DNM3: variants seen among roughly 807,000 people sequenced by gnomAD.
The protein encoded by DNM3 is dynamin-3.
DNM3 carries 47 observed loss-of-function variants against 101.6 expected under a neutral mutation model. That is an observed-to-expected ratio of 0.46 (90% CI 0.37 to 0.59). The LOEUF (loss-of-function observed/expected upper bound fraction) is 0.59, where lower values mean the gene tolerates loss of function less well. Ranked by LOEUF, DNM3 falls within the 20% of genes least tolerant of loss-of-function variation. DNM3 has a pLI of 0.00. For synonymous variants in DNM3, 385 were observed against 387.9 expected, an observed-to-expected ratio of 0.99 and a Z score of 0.09; for missense variants, 849 against 1,085.7, an observed-to-expected ratio of 0.78 and a Z score of 3.06.
intron 13 of DNM3, among the ~76,000 whole-genome samples, chr1:172,114,484 A>C (rs545451966): frequency 1.3e-5 from 2 of 152,190 alleles, no homozygotes; most frequent in East Asian, 3.8e-4. Flanking sequence ...CTAAGACTCT[A>C]TATACTTATG....
intron 12 of DNM3, among the ~76,000 whole-genome samples, chr1:172,084,250 A>T (rs1479143499): frequency 2.0e-5 from 3 of 151,858 alleles, no homozygotes; most frequent in African/African-American, 7.3e-5. Context: ...GAAATCCTTT[A>T]AAAAAAACTA....
intron 14 of DNM3, among the ~76,000 whole-genome samples, chr1:172,201,950 G>T (rs890816653): frequency 6.6e-5 from 10 of 152,282 alleles, no homozygotes; most frequent in African/African-American, 2.2e-4. Flanking sequence ...GTACCTGGGG[G>T]TATCACCAGT....
intron 14 of DNM3, among the ~76,000 whole-genome samples, chr1:172,158,637 C>A (rs1428872292): frequency 1.3e-5 from 2 of 151,904 alleles, no homozygotes; most frequent in Non-Finnish European, 1.5e-5. Flanking sequence ...TCAATAGAAG[C>A]AAACCAATGA....
intron 13 of DNM3, among the ~76,000 whole-genome samples, chr1:172,114,224 C>A (rs571154611): frequency 6.6e-6 from 1 of 152,148 alleles, no homozygotes; most frequent in Non-Finnish European, 1.5e-5. Flanking sequence ...TTCTGCATGA[C>A]AAGTCGTGGC....
intron 2 of DNM3, among the ~76,000 whole-genome samples, chr1:171,925,545 A>G (rs1256659632): frequency 6.6e-6 from 1 of 152,000 alleles, no homozygotes; most frequent in Non-Finnish European, 1.5e-5. Context: ...CCACTTTTTA[A>G]TGGGGTTATT....
At chr1:171,863,373 T>C (rs2034383150) in intron 1 of DNM3, among the ~76,000 whole-genome samples, 1 of 151,552 alleles carries the variant, frequency 6.6e-6, no homozygotes, top group South Asian at 2.1e-4. Context: ...TTTAATGAAG[T>C]GATAGCATCA....
In DNM3 at chr1:172,379,006, C is replaced by T. The variant is rs368297249; in HGVS notation, c.1894-12C>T. On this transcript the variant is annotated splice_polypyrimidine_tract_variant and intron_variant, in intron 17 of 20. Coordinates refer to ENST00000627582, the MANE Select transcript of DNM3 (RefSeq NM_015569.5). The stretch of plus-strand genomic sequence containing the variant: ...TATGAGATAATCCATGGTTTGTTTT[C>T]TCTTCTTTTAGGCTGAAAATGATGA... 1.2e-6 allele frequency: 2 copies of T among 1,604,478 alleles called. No individual in the cohort carries two copies. The highest frequency in any genetic ancestry group is 1.7e-6 in the Non-Finnish European group (2 of 1,175,928).
intron 1 of DNM3, among the ~76,000 whole-genome samples, chr1:171,890,306 A>T (rs544048931): frequency 6.6e-6 from 1 of 152,254 alleles, no homozygotes. Context: ...GTTTGGAAGT[A>T]CTCATTCTGT....
At chr1:171,896,107 G>C (rs1558228920) in intron 1 of DNM3, among the ~76,000 whole-genome samples, 1 of 152,186 alleles carries the variant, frequency 6.6e-6, no homozygotes, top group Non-Finnish European at 1.5e-5. Flanking sequence ...GCTTAGGATT[G>C]TCTTGGCAAT....
intron 20 of DNM3, among the ~76,000 whole-genome samples, chr1:172,403,484 C>T (rs1194104698): frequency 2.6e-5 from 4 of 152,092 alleles, no homozygotes; most frequent in Non-Finnish European, 5.9e-5. Flanking sequence ...TTCTTCTGTT[C>T]TTAAAAGACA....
chr1:172,395,104 C>G (rs182407448), intron 20 of DNM3, among the ~76,000 whole-genome samples: 2 of 152,192 alleles, frequency 1.3e-5, no homozygotes, highest in East Asian at 3.9e-4. Context: ...TAAATTTTAT[C>G]CAAGCAACAA....
chr1:171,892,004 ATTTG>A (rs1314346725), intron 1 of DNM3, among the ~76,000 whole-genome samples: 1 of 152,132 alleles, frequency 6.6e-6, no homozygotes, highest in Non-Finnish European at 1.5e-5. Flanking sequence ...ATTATTCTCC[ATTTG>A]TTTATTTATT....
chr1:172,323,242 G>A, intron 16 of DNM3, 87 bp from the exon 17 acceptor site: 1 of 1,352,346 alleles, frequency 7.4e-7, no homozygotes, highest in Non-Finnish European at 1.0e-6. Flanking sequence ...AATATCCAGA[G>A]AAAGTAGAAG....
At position 171,841,500 on chromosome 1, in the gene DNM3, A is replaced by C; in HGVS notation, c.-157A>C. On this transcript the variant is annotated 5_prime_UTR_variant, in exon 1 of 21. Transcript: ENST00000627582. ...CGCGCTGCGGGTCGTTAGCTGTCAG[A>C]GCCAAGCGGCGGGCTGGCGGCGGGC... 1.9e-6 allele frequency: 2 copies of C among 1,068,338 alleles called. No individual in the cohort carries two copies. The highest frequency in any genetic ancestry group is 7.0e-5 in the Admixed American group (2 of 28,730). The allele number at this position is 1,068,338 out of a possible 1,614,324, so 66.2% of individuals were successfully genotyped here. A position where few individuals can be genotyped will look rare whatever the true frequency, so the allele number is the denominator to read the frequency against.
chr1:172,098,169 G>A (rs187494647), intron 13 of DNM3, among the ~76,000 whole-genome samples: 75 of 152,250 alleles, frequency 4.9e-4, no homozygotes, highest in African/African-American at 1.6e-3. Flanking sequence ...GTCCTAATAA[G>A]CCTGGGAGCG....
chr1:172,343,280 T>A (rs1478541864), intron 17 of DNM3, among the ~76,000 whole-genome samples: 4 of 152,186 alleles, frequency 2.6e-5, no homozygotes, highest in African/African-American at 9.7e-5. Context: ...CTCAACCTTT[T>A]TTTCTTGCGA....
At chr1:172,097,715 T>A (rs2054339166) in intron 13 of DNM3, among the ~76,000 whole-genome samples, 1 of 152,118 alleles carries the variant, frequency 6.6e-6, no homozygotes, top group Non-Finnish European at 1.5e-5. Context: ...TCATGGGAAA[T>A]TCAGTCAGAT....
intron 14 of DNM3, among the ~76,000 whole-genome samples, chr1:172,152,719 G>A (rs10797791): frequency 0.25 from 38,206 of 151,890 alleles, 5,444 homozygotes; most frequent in East Asian, 0.45. Flanking sequence ...CCCACTTAAA[G>A]CTACCATTCC....
intron 1 of DNM3, among the ~76,000 whole-genome samples, chr1:171,873,866 T>C (rs1368482130): frequency 6.6e-6 from 1 of 152,248 alleles, no homozygotes; most frequent in Non-Finnish European, 1.5e-5. Flanking sequence ...TTTCCTTTAC[T>C]TCCTAATGGA....
Sources: gnomAD v4.1 joint callset for allele counts (sites outside exome capture counted in the v4.1 genomes callset) on GRCh38, gnomAD v4.1.1 for gene constraint, MANE v1.5 for transcripts, NCBI Gene and HGNC (gene_info 2026-07-23, HGNC 2026-07-21) for gene names.